DAAM2: variants seen among roughly 807,000 people sequenced by gnomAD.
The protein encoded by DAAM2 is disheveled-associated activator of morphogenesis 2.
Under a neutral mutation model 120.7 loss-of-function variants are expected in DAAM2, and 39 were observed. The ratio of observed to expected loss-of-function variants is 0.32; its 90% CI spans 0.25 to 0.42. The LOEUF is 0.42. Among genes scored for constraint, DAAM2 ranks in the 10% least tolerant of loss-of-function variants. The pLI, the probability that DAAM2 is intolerant of heterozygous loss-of-function variation, is 1.00. For missense variants in DAAM2, 1,283 were observed against 1,401.7 expected, an observed-to-expected ratio of 0.92 and a Z score of 1.35; for synonymous variants, 488 against 524.9, an observed-to-expected ratio of 0.93 and a Z score of 0.96.
intron 1 of DAAM2, chr6:39,855,908 C>A: frequency 2.5e-6 from 1 of 394,024 alleles, no homozygotes; most frequent in Non-Finnish European, 3.5e-6. Context: ...CCCGTCCACA[C>A]ATTTATGGAA....
intron 2 of DAAM2, 87 bp from the exon 3 acceptor site, chr6:39,860,841 G>A: frequency 9.7e-7 from 1 of 1,030,888 alleles, no homozygotes; most frequent in Non-Finnish European, 1.5e-6. Flanking sequence ...GAACTGATTT[G>A]GGGGAATTGT....
chr6:39,852,450 A>T lies in DAAM2; in HGVS notation c.-56-3797A>T, dbSNP rs1406831882. 3.0e-4 allele frequency among the ~76,000 whole-genome samples: 45 copies of T among 152,156 alleles called. 1 individual carries two copies. Among genetic ancestry groups the T allele is most frequent in the Admixed American group, 2.9e-3 (45 of 15,276 alleles). The stretch of plus-strand genomic sequence containing the variant: ...GCCTAGAGGAAGGCAGAGCTGGGTG[A>T]CTTCATAAATCTGGCCAGGCACATT... On this transcript the variant is annotated intron_variant, in intron 1 of 24. Transcript: ENST00000274867.
chr6:39,797,278 C>A (rs1420232454), intron 1 of DAAM2, among the ~76,000 whole-genome samples: 1 of 152,210 alleles, frequency 6.6e-6, no homozygotes, highest in African/African-American at 2.4e-5. Flanking sequence ...ATCATTGAGG[C>A]AGTACCTAAC....
At position 39,897,230 on chromosome 6, in the gene DAAM2, A is replaced by G. The variant is rs1359113895; in HGVS notation, c.2566A>G (p.Ile856Val). The change falls in exon 21 of 25, where the codon ATT (isoleucine) becomes GTT (valine). Residue 856 changes from isoleucine to valine, a missense_variant. Physicochemically the swap from Ile to Val is conservative, Grantham distance 29 (BLOSUM62 3). Coordinates refer to ENST00000274867, the MANE Select transcript of DAAM2 (RefSeq NM_001201427.2). ...GATCCTGGAGAAGCATTTTCCTGAT[A>G]TTCTAAACATGCCTTCAGAGCTGCA... is the stretch of plus-strand genomic sequence containing the variant. ...IMILEKHFPD[I>V]LNMPSELQHL... 6.2e-7 allele frequency: 1 copy of G among 1,613,788 alleles called. No homozygotes were observed. Among genetic ancestry groups the G allele is most frequent in the Admixed American group, 1.7e-5 (1 of 60,012 alleles).
chr6:39,834,739 AT>A (rs1763042245), intron 1 of DAAM2, among the ~76,000 whole-genome samples: 1 of 152,198 alleles, frequency 6.6e-6, no homozygotes, highest in African/African-American at 2.4e-5. Flanking sequence ...TCCAGCCATA[AT>A]CACACCACAT....
At chr6:39,858,897 C>T (rs1764108141) in intron 2 of DAAM2, among the ~76,000 whole-genome samples, 1 of 152,040 alleles carries the variant, frequency 6.6e-6, no homozygotes, top group Non-Finnish European at 1.5e-5. Context: ...ATCAAGGAAG[C>T]CCACGCAGGA....
At position 39,856,294 on chromosome 6, in the gene DAAM2, G is replaced by T. The variant is rs1763998369; in HGVS notation, c.-9G>T. 6.6e-7 allele frequency: 1 copy of T among 1,517,016 alleles called. No individual in the cohort carries two copies. Among genetic ancestry groups the T allele is most frequent in the East Asian group, 2.6e-5 (1 of 39,048 alleles). The allele number at this position is 1,517,016 out of a possible 1,614,324, so 94.0% of individuals were successfully genotyped here. On this transcript the variant is annotated 5_prime_UTR_variant, in exon 2 of 25. Coordinates refer to ENST00000274867, the MANE Select transcript of DAAM2 (RefSeq NM_001201427.2). ...TCTGTCTGCTGACGCCCCCTGGCCT[G>T]CAGTGACCATGGCCCCCCGCAAGAG... is the stretch of plus-strand genomic sequence containing the variant.
In DAAM2 at chr6:39,842,607, G is replaced by A. The variant is rs149282338; in HGVS notation, c.-56-13640G>A. Among the ~76,000 whole-genome samples the A allele has an allele frequency of 4.8e-3, 736 of 152,084 alleles. 6 individuals carry two copies. The highest frequency in any genetic ancestry group is 0.016 in the African/African-American group (665 of 41,480). On this transcript the variant is annotated intron_variant, in intron 1 of 24. Transcript: ENST00000274867. ...GAGACTGTGCCACTGTACTCCAGCC[G>A]GGGCAACAGACAGAGACTCCGTCTC...
At chr6:39,879,975 T>C in intron 14 of DAAM2, 1 of 218,430 alleles carries the variant, frequency 4.6e-6, no homozygotes, top group Non-Finnish European at 9.2e-6. Context: ...TGAGAGATCC[T>C]CATGAGTATT....
intron 14 of DAAM2, among the ~76,000 whole-genome samples, chr6:39,880,449 T>C (rs1247490530): frequency 1.3e-5 from 2 of 152,214 alleles, no homozygotes; most frequent in Non-Finnish European, 2.9e-5. Context: ...CAATCTGAAG[T>C]CTGCTTTTGT....
chr6:39,883,703 C>T, intron 14 of DAAM2: 2 of 430,978 alleles, frequency 4.6e-6, no homozygotes, highest in Non-Finnish European at 8.4e-6. Context: ...CCCCAGCACC[C>T]CCCATGATTT....
chr6:39,847,665 C>T (rs879778466), intron 1 of DAAM2, among the ~76,000 whole-genome samples: 6 of 152,042 alleles, frequency 3.9e-5, no homozygotes, highest in African/African-American at 1.2e-4. Flanking sequence ...GGCACCCCTC[C>T]GTGGCACCAC....
intron 5 of DAAM2, among the ~76,000 whole-genome samples, chr6:39,865,482 C>G (rs1764390928): frequency 6.6e-6 from 1 of 152,102 alleles, no homozygotes; most frequent in Admixed American, 6.6e-5. Flanking sequence ...GAGAAGTACT[C>G]CAACCACTAG....
At chr6:39,803,111 C>T (rs1761914928) in intron 1 of DAAM2, among the ~76,000 whole-genome samples, 1 of 152,136 alleles carries the variant, frequency 6.6e-6, no homozygotes, top group Non-Finnish European at 1.5e-5. Flanking sequence ...TGAGTGGTGT[C>T]AAGTCTGGGG....
In DAAM2 at chr6:39,902,578, C is replaced by T. The variant is rs1010742488; in HGVS notation, c.*541C>T. On this transcript the variant is annotated 3_prime_UTR_variant, in exon 25 of 25. Coordinates refer to ENST00000274867, the MANE Select transcript of DAAM2 (RefSeq NM_001201427.2). Reference sequence around the variant, plus strand: ...GAGGCATTATATATTCTAGTTAGATCAGCTCTGGTAGGTTCCAGAGAACAG... The same window carrying T: ...GAGGCATTATATATTCTAGTTAGATTAGCTCTGGTAGGTTCCAGAGAACAG... The T allele has an allele frequency of 6.6e-6, 1 of 152,436 alleles. No homozygotes were observed. The highest frequency in any genetic ancestry group is 2.4e-5 in the African/African-American group (1 of 41,448). The allele number at this position is 152,436 out of a possible 1,614,324, so 9.4% of individuals were successfully genotyped here. A position where few individuals can be genotyped will look rare whatever the true frequency, so the allele number is the denominator to read the frequency against.
intron 1 of DAAM2, among the ~76,000 whole-genome samples, chr6:39,792,708 C>T (rs1761583463): frequency 6.6e-6 from 1 of 152,164 alleles, no homozygotes; most frequent in Non-Finnish European, 1.5e-5. Context: ...AGTGTGATTG[C>T]GTGTGTCTGT....
chr6:39,842,768 G>A (rs1763399820), intron 1 of DAAM2, among the ~76,000 whole-genome samples: 1 of 152,048 alleles, frequency 6.6e-6, no homozygotes, highest in African/African-American at 2.4e-5. Context: ...ATGCAGGTAG[G>A]TTGGAGTGGT....
chr6:39,886,809 G>C (rs1765402214), intron 15 of DAAM2: 1 of 215,302 alleles, frequency 4.6e-6, no homozygotes, highest in Non-Finnish European at 9.1e-6. Context: ...GTGCAAGAGG[G>C]ACCTCCCAGA....
chr6:39,887,443 G>T, intron 15 of DAAM2, 43 bp from the exon 16 acceptor site: 1 of 1,469,184 alleles, frequency 6.8e-7, no homozygotes, highest in South Asian at 1.2e-5. Context: ...AGGAGGATTA[G>T]GGAACCCACA....
Sources: allele counts gnomAD v4.1 joint callset (sites outside exome capture counted in the v4.1 genomes callset), GRCh38; gene constraint gnomAD v4.1.1; transcripts MANE v1.5; gene names NCBI Gene and HGNC (gene_info 2026-07-23, HGNC 2026-07-21).